Variants in DNER observed in about 807,000 individuals in gnomAD.
The protein encoded by DNER is delta and Notch-like epidermal growth factor-related receptor.
A neutral mutation model predicts 78.2 loss-of-function variants in DNER; 33 were observed. The ratio of observed to expected loss-of-function variants is 0.42; its 90% CI spans 0.32 to 0.56. DNER has a LOEUF of 0.56. Ranked by LOEUF, DNER falls within the 20% of genes least tolerant of loss-of-function variation. DNER has a pLI of 0.11. For synonymous variants in DNER, 417 were observed against 384.8 expected (o/e 1.08, Z -0.98); for missense variants, 918 against 975.3 (o/e 0.94, Z 0.78).
chr2:229,670,368 G>T (rs1699187185), intron 1 of DNER, among the ~76,000 whole-genome samples: 1 of 152,234 alleles, frequency 6.6e-6, no homozygotes. Flanking sequence ...ATGCTGCTGT[G>T]AAAGCACTCC....
chr2:229,492,422 A>G (rs1695420198), intron 6 of DNER, among the ~76,000 whole-genome samples: 1 of 152,200 alleles, frequency 6.6e-6, no homozygotes, highest in East Asian at 1.9e-4. Context: ...ACCATTAGAA[A>G]TGCCCATACC....
chr2:229,586,577 G>A, intron 3 of DNER: 1 of 501,106 alleles, frequency 2.0e-6, no homozygotes. Context: ...ACAGAGAATA[G>A]GATGTCACAG....
At chr2:229,565,243 T>C (rs562600820) in intron 4 of DNER, among the ~76,000 whole-genome samples, 2 of 152,322 alleles carry the variant, frequency 1.3e-5, no homozygotes, top group Non-Finnish European at 2.9e-5. Context: ...ATGGAGGTCA[T>C]TCAGAGAGTC....
intron 1 of DNER, among the ~76,000 whole-genome samples, chr2:229,668,546 A>ACC (rs1699147492): frequency 1.8e-4 from 2 of 11,184 alleles, no homozygotes; most frequent in Admixed American, 1.3e-3. Context: ...GTATATATAT[A>ACC]TATATATATA....
At chr2:229,426,547 T>C (rs186521305) in intron 8 of DNER, among the ~76,000 whole-genome samples, 3 of 151,778 alleles carry the variant, frequency 2.0e-5, no homozygotes, top group African/African-American at 7.2e-5. Context: ...CTGGTGGTCA[T>C]AGAGCCCTTT....
chr2:229,450,056 A>G (rs1245822882), intron 7 of DNER, among the ~76,000 whole-genome samples: 1 of 152,248 alleles, frequency 6.6e-6, no homozygotes, highest in Non-Finnish European at 1.5e-5. Flanking sequence ...CTGGGATTAT[A>G]GGCGTGAGCC....
At chr2:229,542,731 C>T (rs1245554313) in intron 5 of DNER, among the ~76,000 whole-genome samples, 1 of 135,758 alleles carries the variant, frequency 7.4e-6, no homozygotes, top group African/African-American at 2.8e-5. Flanking sequence ...GACACTGAAA[C>T]AGCCATTGCA....
intron 6 of DNER, among the ~76,000 whole-genome samples, chr2:229,499,931 C>CTTT (rs58019962): frequency 7.4e-5 from 10 of 134,832 alleles, no homozygotes; most frequent in African/African-American, 2.7e-4. Context: ...GACTTTCTTT[C>CTTT]TTTTTTTTTT....
At chr2:229,384,831 T>G (rs969157963) in intron 11 of DNER, among the ~76,000 whole-genome samples, 3 of 151,846 alleles carry the variant, frequency 2.0e-5, no homozygotes, top group Non-Finnish European at 2.9e-5. Flanking sequence ...TTATCAGAGG[T>G]ACAAAGAGGA....
At chr2:229,392,609 A>G (rs1693039932) in intron 10 of DNER, among the ~76,000 whole-genome samples, 1 of 152,176 alleles carries the variant, frequency 6.6e-6, no homozygotes, top group Non-Finnish European at 1.5e-5. Flanking sequence ...GCAGTTCCCA[A>G]ACTCACAGAG....
chr2:229,541,676 ACAAAAG>A (rs1696516712), intron 5 of DNER, among the ~76,000 whole-genome samples: 1 of 152,050 alleles, frequency 6.6e-6, no homozygotes, highest in East Asian at 1.9e-4. Context: ...CCCAAAGAGA[ACAAAAG>A]CCTGACCTCC....
intron 10 of DNER, among the ~76,000 whole-genome samples, chr2:229,406,251 CAT>C (rs1397340835): frequency 1.3e-5 from 2 of 152,152 alleles, no homozygotes; most frequent in African/African-American, 4.8e-5. Context: ...TCAATGATAA[CAT>C]ATGTTTTTCT....
chr2:229,360,691 C>T (rs1237314218), intron 12 of DNER, among the ~76,000 whole-genome samples: 1 of 152,160 alleles, frequency 6.6e-6, no homozygotes, highest in East Asian at 1.9e-4. Flanking sequence ...AGATTACAGG[C>T]GTGAGCCACA....
At chr2:229,567,224 T>A (rs1697126178) in intron 4 of DNER, among the ~76,000 whole-genome samples, 1 of 152,222 alleles carries the variant, frequency 6.6e-6, no homozygotes, top group African/African-American at 2.4e-5. Flanking sequence ...TCAACTACAG[T>A]CATAGCACAG....
At chr2:229,588,273 T>C (rs568560165) in intron 3 of DNER, 121 bp downstream of exon 3, 6 of 825,948 alleles carry the variant, frequency 7.3e-6, no homozygotes, top group South Asian at 1.7e-5. Context: ...CATCTACCCG[T>C]GGAATCTGTT....
At chr2:229,482,482 C>T (rs1384871868) in intron 6 of DNER, among the ~76,000 whole-genome samples, 1 of 152,230 alleles carries the variant, frequency 6.6e-6, no homozygotes, top group Non-Finnish European at 1.5e-5. Context: ...GTGGCCCCTG[C>T]ACCCTCATCT....
chr2:229,383,972 A>G (rs1692803666), intron 11 of DNER, among the ~76,000 whole-genome samples: 1 of 152,158 alleles, frequency 6.6e-6, no homozygotes, highest in Non-Finnish European at 1.5e-5. Flanking sequence ...TCTCAGCACC[A>G]CTTCGCACTT....
chr2:229,538,150 C>T (rs1696446218), intron 5 of DNER, among the ~76,000 whole-genome samples: 1 of 152,166 alleles, frequency 6.6e-6, no homozygotes, highest in African/African-American at 2.4e-5. Context: ...TTTTATTACT[C>T]ATAAAAGCAC....
rs1045067414 is a variant in DNER, at chr2:229,607,748, C to T, written c.277-15860G>A. Among the ~76,000 whole-genome samples, 12 of 152,040 alleles carry T rather than the reference C, an allele frequency of 7.9e-5. No homozygotes were observed. The East Asian group carries it at 2.3e-3, about 29-fold the overall frequency. ...TAACAATTAGTGTAGGAAGGATGGG[C>T]GCGATAGCTCACACCTGTAATCCCA... On this transcript the variant is annotated intron_variant, in intron 1 of 12. Transcript: ENST00000341772.
Sources: gnomAD v4.1 joint callset for allele counts (sites outside exome capture counted in the v4.1 genomes callset) on GRCh38, gnomAD v4.1.1 for gene constraint, MANE v1.5 for transcripts, NCBI Gene and HGNC (gene_info 2026-07-23, HGNC 2026-07-21) for gene names.